Variants in CCT8 observed in about 807,000 individuals in gnomAD.
CCT8 encodes chaperonin containing TCP1 subunit 8.
In CCT8, 10 loss-of-function variants were observed where a neutral mutation model predicts 65.7. The observed-to-expected ratio is 0.15, with a 90% CI of 0.09 to 0.26. CCT8 has a LOEUF of 0.26. Ranked by LOEUF, CCT8 falls within the 10% of genes least tolerant of loss-of-function variation. The pLI is 1.00. For synonymous variants in CCT8, 199 were observed against 221.8 expected (o/e 0.90, Z 0.92); for missense variants, 568 against 669.1 (o/e 0.85, Z 1.67).
At chr21:29,060,493 C>T in intron 14 of CCT8, 48 bp downstream of exon 14, 1 of 1,577,174 alleles carries the variant, frequency 6.3e-7, no homozygotes, top group Non-Finnish European at 8.7e-7. Context: ...TACTATTAAA[C>T]AGTATGCAAA....
In CCT8 at chr21:29,066,902, G is replaced by T. The variant is rs779536062; in HGVS notation, c.551C>A (p.Ala184Asp). Residue 184 changes from alanine to aspartate, a missense_variant, in exon 5 of 15, where the codon GCT becomes GAT. Ala to Asp is a moderately radical substitution (Grantham distance 126, BLOSUM62 -2). Coordinates refer to ENST00000286788, the MANE Select transcript of CCT8 (RefSeq NM_006585.4). ...TGATATTTACTTACCGCATGCCTGA[G>T]CAATAAGCTTGGCCAGAAATACTTC... ...GNEVFLAKLI[A>D]QACVSIFPDS... is the part of the protein sequence containing the mutation. The T allele has an allele frequency of 6.2e-7, 1 of 1,605,584 alleles. No individual in the cohort carries two copies. The highest frequency in any genetic ancestry group is 8.5e-7 in the Non-Finnish European group (1 of 1,174,168).
At chr21:29,060,459 C>T in intron 14 of CCT8, 82 bp downstream of exon 14, 7 of 1,394,300 alleles carry the variant, frequency 5.0e-6, no homozygotes, top group Non-Finnish European at 7.0e-6. Context: ...TAGAACTATG[C>T]TATGTTCTAG....
At chr21:29,066,631 A>AT (rs376201722) in intron 6 of CCT8, 85 bp downstream of exon 6, 27,750 of 646,758 alleles carry the variant, frequency 0.043, 8 homozygotes, top group Non-Finnish European at 0.05. Context: ...AGATGAACAC[A>AT]TTTTTTTTTT....
Position 29,067,668 on chromosome 21 carries a change from G to C in CCT8, c.269C>G (p.Ser90Cys), listed in dbSNP as rs776326374. ...TCCAACTTCTTGCTCTTGCATATGA[G>C]AAGCCATTACAATCATTTTTGCAGC... Reference protein sequence around the residue: ...HPAAKMIVMASHMQEQEVGDG... With the variant: ...HPAAKMIVMACHMQEQEVGDG... Residue 90 changes from serine to cysteine, a missense_variant, in exon 4 of 15, where the codon TCT becomes TGT. Ser to Cys is a moderately radical substitution (Grantham distance 112). Coordinates refer to ENST00000286788, the MANE Select transcript of CCT8 (RefSeq NM_006585.4). 1.5e-6 allele frequency: 2 copies of C among 1,366,506 alleles called. No individual in the cohort carries two copies. The highest frequency in any genetic ancestry group is 1.9e-6 in the Non-Finnish European group (2 of 1,054,024). The allele number at this position is 1,366,506 out of a possible 1,614,324, so 84.6% of individuals were successfully genotyped here.
At chr21:29,058,593 CTTT>C (rs71189337) in intron 14 of CCT8, among the ~76,000 whole-genome samples, 37 of 125,494 alleles carry the variant, frequency 2.9e-4, no homozygotes, top group Admixed American at 4.7e-4. Context: ...TGTATTTCTT[CTTT>C]TTTTTTTTTT....
chr21:29,072,940 A>G (rs56373842), intron 1 of CCT8, among the ~76,000 whole-genome samples: 3,176 of 152,328 alleles, frequency 0.021, 113 homozygotes, highest in African/African-American at 0.072. Context: ...AAAACCCAAG[A>G]AAGTTACATT....
At chr21:29,062,013 T>C in intron 11 of CCT8, 115 bp downstream of exon 11, 1 of 711,718 alleles carries the variant, frequency 1.4e-6, no homozygotes, top group East Asian at 2.6e-5. Flanking sequence ...CTTCATTTCA[T>C]ATAAACCACT....
intron 8 of CCT8, chr21:29,062,957 A>G (rs1363439269): frequency 3.2e-6 from 1 of 314,510 alleles, no homozygotes; most frequent in Admixed American, 4.7e-5. Flanking sequence ...TGCACATTTT[A>G]TTAGGTACTA....
intron 7 of CCT8, among the ~76,000 whole-genome samples, chr21:29,063,888 TC>T (rs1222647937): frequency 1.3e-5 from 2 of 152,134 alleles, no homozygotes; most frequent in African/African-American, 4.8e-5. Context: ...TGCCTCAGCC[TC>T]CCAAGTAGCT....
intron 3 of CCT8, among the ~76,000 whole-genome samples, chr21:29,068,631 GT>G (rs2146439427): frequency 6.6e-6 from 1 of 151,914 alleles, no homozygotes; most frequent in Middle Eastern, 3.4e-3. Context: ...GGCTGATTTT[GT>G]TTCTGTATTT....
At chr21:29,059,911 C>A (rs1035321574) in intron 14 of CCT8, 9 of 152,074 alleles carry the variant, frequency 5.9e-5, no homozygotes, top group Admixed American at 6.5e-5. Context: ...TATACTGTCC[C>A]TCTAGCAAAT....
chr21:29,072,737 A>G (rs2085695905), intron 1 of CCT8, among the ~76,000 whole-genome samples: 1 of 152,260 alleles, frequency 6.6e-6, no homozygotes, highest in Admixed American at 6.5e-5. Flanking sequence ...TGCAATTTGA[A>G]TAGCACAAGA....
At chr21:29,057,209 G>C (rs1406442670) in intron 14 of CCT8, among the ~76,000 whole-genome samples, 1 of 143,152 alleles carries the variant, frequency 7.0e-6, no homozygotes, top group Non-Finnish European at 1.5e-5. Context: ...TTGCTCTGTT[G>C]CCCAGGCTAG....
chr21:29,064,508 A>G (rs907572995), intron 7 of CCT8, among the ~76,000 whole-genome samples: 6 of 151,866 alleles, frequency 4.0e-5, no homozygotes, highest in Admixed American at 2.6e-4. Context: ...TTTTAAAACT[A>G]TCAACAACTT....
intron 3 of CCT8, 149 bp from the exon 4 acceptor site, chr21:29,067,854 T>A (rs945514688): frequency 2.1e-6 from 1 of 483,102 alleles, no homozygotes; most frequent in Non-Finnish European, 3.4e-6. Context: ...CTACTTATAG[T>A]GTGGTCACAA....
At chr21:29,066,846 AG>A in intron 5 of CCT8, 44 bp downstream of exon 5, 2 of 1,578,116 alleles carry the variant, frequency 1.3e-6, no homozygotes, top group Non-Finnish European at 1.7e-6. Context: ...GTCATGTTAA[AG>A]GTATTTTTAT....
intron 13 of CCT8, 33 bp from the exon 14 acceptor site, chr21:29,060,693 A>C (rs2085553776): frequency 1.2e-6 from 2 of 1,610,734 alleles, no homozygotes; most frequent in South Asian, 2.2e-5. Context: ...TTTCATTTAA[A>C]ATCCTTTTAT....
chr21:29,071,479 T>A (rs2146444264), intron 1 of CCT8, among the ~76,000 whole-genome samples: 1 of 145,250 alleles, frequency 6.9e-6, no homozygotes, highest in East Asian at 2.4e-4. Context: ...CACTGCAACC[T>A]GGGCCTCCCG....
At chr21:29,065,180 T>C in intron 6 of CCT8, 75 bp from the exon 7 acceptor site, 2 of 1,447,340 alleles carry the variant, frequency 1.4e-6, no homozygotes, top group Non-Finnish European at 1.9e-6. Context: ...ATTCTCCATA[T>C]ACCAAAAATA....
Sources: allele counts gnomAD v4.1 joint callset (sites outside exome capture counted in the v4.1 genomes callset), GRCh38; gene constraint gnomAD v4.1.1; transcripts MANE v1.5; gene names NCBI Gene and HGNC (gene_info 2026-07-23, HGNC 2026-07-21).